DCDC2: variants seen among roughly 807,000 people sequenced by gnomAD.
DCDC2 encodes the protein doublecortin domain-containing protein 2.
A neutral mutation model predicts 50.2 loss-of-function variants in DCDC2; 40 were observed. The ratio of observed to expected loss-of-function variants is 0.80; its 90% CI spans 0.62 to 1.04. DCDC2 has a LOEUF of 1.04. DCDC2 is among the 50% of genes least tolerant of loss of function. DCDC2 has a pLI of 0.00. For missense variants in DCDC2, 570 were observed against 581.9 expected, an observed-to-expected ratio of 0.98 and a Z score of 0.21; for synonymous variants, 234 against 210.6, an observed-to-expected ratio of 1.11 and a Z score of -0.96.
intron 2 of DCDC2, among the ~76,000 whole-genome samples, chr6:24,334,868 G>A (rs1337612553): frequency 6.6e-6 from 1 of 152,162 alleles, no homozygotes; most frequent in Non-Finnish European, 1.5e-5. Flanking sequence ...TTTCAGTGAT[G>A]TATCAGGATC....
At chr6:24,176,519 T>G (rs10946682) in intron 9 of DCDC2, among the ~76,000 whole-genome samples, 42,366 of 152,062 alleles carry the variant, frequency 0.28, 6,824 homozygotes, top group East Asian at 0.76. Context: ...AAAAATTGTA[T>G]GTTTATAGCA....
chr6:24,254,226 C>A (rs985554512), intron 7 of DCDC2, among the ~76,000 whole-genome samples: 1 of 152,078 alleles, frequency 6.6e-6, no homozygotes, highest in Non-Finnish European at 1.5e-5. Context: ...CCTGAAACAC[C>A]TACCTGAGAC....
At chr6:24,244,147 A>G (rs73394037) in intron 7 of DCDC2, among the ~76,000 whole-genome samples, 5,382 of 152,276 alleles carry the variant, frequency 0.035, 290 homozygotes, top group African/African-American at 0.12. Context: ...AAAATTCTCA[A>G]TCTAGAAGGT....
chr6:24,210,695 C>G (rs529008605), intron 7 of DCDC2, among the ~76,000 whole-genome samples: 21 of 152,350 alleles, frequency 1.4e-4, no homozygotes, highest in African/African-American at 5.1e-4. Context: ...TAATCATCCT[C>G]CATACAATAG....
At chr6:24,286,951 C>A (rs1581632464) in intron 6 of DCDC2, among the ~76,000 whole-genome samples, 1 of 152,260 alleles carries the variant, frequency 6.6e-6, no homozygotes, top group African/African-American at 2.4e-5. Context: ...GCTCCTTTCC[C>A]CTCATACCAA....
chr6:24,240,276 C>T (rs551544839), intron 7 of DCDC2, among the ~76,000 whole-genome samples: 9 of 152,198 alleles, frequency 5.9e-5, no homozygotes, highest in African/African-American at 1.7e-4. Context: ...CTTGAATCCT[C>T]GGTGGCTTTA....
chr6:24,244,443 C>T (rs1762628597), intron 7 of DCDC2, among the ~76,000 whole-genome samples: 1 of 152,202 alleles, frequency 6.6e-6, no homozygotes, highest in Admixed American at 6.5e-5. Context: ...GACCTTTCAA[C>T]CACAAGGGAA....
intron 7 of DCDC2, among the ~76,000 whole-genome samples, chr6:24,244,195 C>T (rs1372623641): frequency 1.3e-5 from 2 of 152,086 alleles, no homozygotes; most frequent in Non-Finnish European, 2.9e-5. Flanking sequence ...GACTATGCAG[C>T]GACTCATACT....
chr6:24,255,905 G>A (rs1460279208), intron 7 of DCDC2, among the ~76,000 whole-genome samples: 1 of 152,002 alleles, frequency 6.6e-6, no homozygotes, highest in Non-Finnish European at 1.5e-5. Context: ...CAATTCAACA[G>A]AAATACACAT....
At chr6:24,214,232 T>A (rs1261886210) in intron 7 of DCDC2, among the ~76,000 whole-genome samples, 1 of 152,218 alleles carries the variant, frequency 6.6e-6, no homozygotes, top group Admixed American at 6.5e-5. Context: ...TACATTTGAC[T>A]ATTAACTGTT....
At chr6:24,238,452 C>A (rs751346272) in intron 7 of DCDC2, among the ~76,000 whole-genome samples, 1 of 151,458 alleles carries the variant, frequency 6.6e-6, no homozygotes, top group African/African-American at 2.4e-5. Flanking sequence ...GTATGCACCA[C>A]CATGCCCAGC....
At chr6:24,281,744 C>G (rs1763477332) in intron 6 of DCDC2, among the ~76,000 whole-genome samples, 1 of 152,010 alleles carries the variant, frequency 6.6e-6, no homozygotes. Context: ...ATAGTCATTG[C>G]TATTGGCAGA....
rs1056143516 is a variant in DCDC2, at chr6:24,173,010, T to C, written c.*1720A>G. ...CAAAAAATAATAATAATAATAATAATAATAATAATAAAGATCAATTGGTCT... is the reference window on the plus strand; with the variant it reads ...CAAAAAATAATAATAATAATAATAACAATAATAATAAAGATCAATTGGTCT... On this transcript the variant is annotated 3_prime_UTR_variant, in exon 10 of 10. Transcript: ENST00000378454. The C allele has an allele frequency of 1.3e-5, 2 of 149,998 alleles. No homozygotes were observed. The highest frequency in any genetic ancestry group is 2.4e-5 in the African/African-American group (1 of 41,062). The allele number at this position is 149,998 out of a possible 1,614,324, so 9.3% of individuals were successfully genotyped here.
At chr6:24,382,331 C>T in the DCDC2 span, among the ~76,000 whole-genome samples, 2 of 152,018 alleles carry the variant, frequency 1.3e-5, no homozygotes, top group African/African-American at 4.8e-5. Flanking sequence ...TGTTTCTCAG[C>T]TCTCAATTAT....
intron 6 of DCDC2, 104 bp downstream of exon 6, chr6:24,288,748 G>T: frequency 1.0e-6 from 1 of 997,104 alleles, no homozygotes; most frequent in Non-Finnish European, 1.6e-6. Flanking sequence ...ACACCACGAA[G>T]CGGCTAAGTT....
At chr6:24,369,655 C>G in the DCDC2 span, among the ~76,000 whole-genome samples, 1 of 151,606 alleles carries the variant, frequency 6.6e-6, no homozygotes, top group East Asian at 1.9e-4. Flanking sequence ...ACTGATAGAT[C>G]AGGGAAAATG....
At chr6:24,176,719 TTCC>T (rs968429415) in intron 9 of DCDC2, among the ~76,000 whole-genome samples, 33 of 152,318 alleles carry the variant, frequency 2.2e-4, no homozygotes, top group African/African-American at 6.7e-4. Context: ...CTTGAACTTA[TTCC>T]TCCTTTCTCG....
At chr6:24,192,067 T>A (rs370140445) in intron 8 of DCDC2, among the ~76,000 whole-genome samples, 2 of 152,024 alleles carry the variant, frequency 1.3e-5, no homozygotes, top group Non-Finnish European at 1.5e-5. Flanking sequence ...AAGAAGCAAA[T>A]AGATCCCCTG....
intron 7 of DCDC2, among the ~76,000 whole-genome samples, chr6:24,230,753 G>C: frequency 6.6e-6 from 1 of 152,204 alleles, no homozygotes; most frequent in East Asian, 1.9e-4. Flanking sequence ...CCCTGAGGTA[G>C]AAGCAAACAC....
Sources: allele counts gnomAD v4.1 joint callset (sites outside exome capture counted in the v4.1 genomes callset), GRCh38; gene constraint gnomAD v4.1.1; transcripts MANE v1.5; gene names NCBI Gene and HGNC (gene_info 2026-07-23, HGNC 2026-07-21).